CPS1: variants seen among roughly 807,000 people sequenced by gnomAD.
CPS1 encodes carbamoyl-phosphate synthase [ammonia], mitochondrial.
Under a neutral mutation model 174.6 loss-of-function variants are expected in CPS1, and 109 were observed. The observed-to-expected ratio is 0.62, with a 90% CI of 0.53 to 0.73. CPS1 has a LOEUF of 0.73. Ranked by LOEUF, CPS1 falls within the 30% of genes least tolerant of loss-of-function variation. The pLI, the probability that CPS1 is intolerant of heterozygous loss-of-function variation, is 0.00. For missense variants in CPS1, 1,689 were observed against 1,821.9 expected, an observed-to-expected ratio of 0.93 and a Z score of 1.33; for synonymous variants, 637 against 632.0, an observed-to-expected ratio of 1.01 and a Z score of -0.12.
chr2:210,542,751 C>A (rs865775128), intron 1 of CPS1, among the ~76,000 whole-genome samples: 1 of 152,034 alleles, frequency 6.6e-6, no homozygotes, highest in African/African-American at 2.4e-5. Context: ...CAAACGAAAC[C>A]CTTCTTGGCT....
Position 210,547,176 on chromosome 2 carries a change from G to A in CPS1, c.4-9543G>A, listed in dbSNP as rs565327353. Among the ~76,000 whole-genome samples the A allele has an allele frequency of 2.0e-5, 3 of 152,134 alleles. No homozygotes were observed. The South Asian group carries it at 6.2e-4, about 32-fold the overall frequency. On this transcript the variant is annotated intron_variant, in intron 1 of 38. Coordinates refer to the CPS1 transcript ENST00000430249. Reference sequence around the variant, plus strand: ...GTCTGAAAATAGAAGTTAAAAAAATGGTGCTAAATTGACATATTTGCTATT... The same window carrying A: ...GTCTGAAAATAGAAGTTAAAAAAATAGTGCTAAATTGACATATTTGCTATT...
intron 1 of CPS1, among the ~76,000 whole-genome samples, chr2:210,568,883 A>C (rs1274685868): frequency 6.6e-6 from 1 of 152,160 alleles, no homozygotes; most frequent in Non-Finnish European, 1.5e-5. Flanking sequence ...GTGTAAGATG[A>C]AAAAATTACT....
chr2:210,515,380 CT>C (rs1268440991), intron 1 of CPS1, among the ~76,000 whole-genome samples: 2 of 151,190 alleles, frequency 1.3e-5, no homozygotes, highest in Non-Finnish European at 3.0e-5. Flanking sequence ...AATTTTGGAA[CT>C]TGATATTGGT....
At chr2:210,609,380 G>A (rs902546914) in intron 19 of CPS1, among the ~76,000 whole-genome samples, 1 of 151,896 alleles carries the variant, frequency 6.6e-6, no homozygotes, top group African/African-American at 2.4e-5. Flanking sequence ...GCTGGACTTG[G>A]ATATTACTCT....
chr2:210,529,736 A>G (rs892069297), intron 1 of CPS1, among the ~76,000 whole-genome samples: 6 of 152,022 alleles, frequency 3.9e-5, no homozygotes, highest in African/African-American at 1.4e-4. Context: ...CATCCTGATA[A>G]TAAGTGACCT....
chr2:210,670,128 T>A (rs537938623), intron 34 of CPS1, among the ~76,000 whole-genome samples: 6 of 152,220 alleles, frequency 3.9e-5, no homozygotes, highest in Admixed American at 3.3e-4. Context: ...ACTTTCCTTT[T>A]AAAAGAAATA....
Position 210,678,538 on chromosome 2 carries a change from T to C in CPS1, c.*553T>C, listed in dbSNP as rs1267039961. 6.3e-6 allele frequency: 1 copy of C among 159,642 alleles called. No individual in the cohort carries two copies. The highest frequency in any genetic ancestry group is 1.9e-4 in the East Asian group (1 of 5,376). 9.9% of individuals were successfully genotyped at this position (159,642 alleles called of 1,614,324 possible). A position where few individuals can be genotyped will look rare whatever the true frequency, so the allele number is the denominator to read the frequency against. ...GGAATATTGTTATCCCTTCCCATTA[T>C]ATTGAAGTTGAGAAATGTGACAGAG... On this transcript the variant is annotated 3_prime_UTR_variant, in exon 38 of 38. Transcript: ENST00000233072.
chr2:210,529,803 A>G (rs1001710165), intron 1 of CPS1, among the ~76,000 whole-genome samples: 5 of 151,876 alleles, frequency 3.3e-5, no homozygotes, highest in Non-Finnish European at 1.5e-5. Context: ...TTTCATCTTA[A>G]CTGCATTTAT....
At chr2:210,590,952 C>A in intron 9 of CPS1, 46 bp downstream of exon 9, 1 of 1,450,664 alleles carries the variant, frequency 6.9e-7, no homozygotes, top group Non-Finnish European at 9.6e-7. Flanking sequence ...CTCTGACATA[C>A]TAACTAAATA....
intron 21 of CPS1, among the ~76,000 whole-genome samples, chr2:210,633,380 T>A (rs1699931352): frequency 6.6e-6 from 1 of 152,166 alleles, no homozygotes; most frequent in African/African-American, 2.4e-5. Flanking sequence ...TCGTTCTCCC[T>A]TCTTTCTTAT....
At chr2:210,587,831 C>A (rs566431148) in intron 6 of CPS1, among the ~76,000 whole-genome samples, 1 of 151,856 alleles carries the variant, frequency 6.6e-6, no homozygotes, top group South Asian at 2.1e-4. Context: ...TATAATCAAC[C>A]GTTTATATAA....
intron 13 of CPS1, among the ~76,000 whole-genome samples, chr2:210,596,748 C>T (rs1698495120): frequency 6.6e-6 from 1 of 151,906 alleles, no homozygotes; most frequent in Admixed American, 6.6e-5. Flanking sequence ...GTTTAGAATA[C>T]ATTTAACTGT....
chr2:210,588,004 TCTGTTGCCCATAG>T, intron 6 of CPS1, 41 bp from the exon 7 acceptor site: 1 of 1,511,876 alleles, frequency 6.6e-7, no homozygotes, highest in Non-Finnish European at 9.2e-7. Context: ...ATGATTTTGG[TCTGTTGCCCATAG>T]CTGGGACTTC....
chr2:210,565,536 T>TA (rs1320888926), intron 1 of CPS1, among the ~76,000 whole-genome samples: 3 of 152,128 alleles, frequency 2.0e-5, no homozygotes, highest in Non-Finnish European at 4.4e-5. Context: ...AAGAAAAACA[T>TA]ACAAACATAA....
intron 1 of CPS1, among the ~76,000 whole-genome samples, chr2:210,512,773 T>G (rs1467021663): frequency 1.3e-5 from 1 of 78,328 alleles, no homozygotes; most frequent in Non-Finnish European, 2.8e-5. Flanking sequence ...TATATATATA[T>G]ATATATATAT....
In CPS1 at chr2:210,608,673, A is replaced by G. The variant is rs948195879; in HGVS notation, c.2391+114A>G. 11 of 979,446 alleles carry G rather than the reference A, an allele frequency of 1.1e-5. No individual in the cohort carries two copies. In the South Asian group the frequency reaches 1.5e-4, roughly 13 times the overall value. 60.7% of individuals were successfully genotyped at this position (979,446 alleles called of 1,614,324 possible). A position where few individuals can be genotyped will look rare whatever the true frequency, so the allele number is the denominator to read the frequency against. On this transcript the variant is annotated intron_variant, in intron 19 of 37. Coordinates refer to ENST00000233072, the MANE Select transcript of CPS1 (RefSeq NM_001875.5). ...ATACCATCAACACATGGACAGTGTTAAAGGTGCAATTGACAGTGTTAAAGT... is the reference window on the plus strand; with the variant it reads ...ATACCATCAACACATGGACAGTGTTGAAGGTGCAATTGACAGTGTTAAAGT...
At chr2:210,653,979 A>C in intron 28 of CPS1, 46 bp from the exon 29 acceptor site, 1 of 1,448,524 alleles carries the variant, frequency 6.9e-7, no homozygotes, top group South Asian at 1.1e-5. Flanking sequence ...CACTATATAC[A>C]TAGCGTTAGC....
At chr2:210,626,428 T>G (rs1699700962) in intron 21 of CPS1, among the ~76,000 whole-genome samples, 1 of 152,150 alleles carries the variant, frequency 6.6e-6, no homozygotes, top group Admixed American at 6.6e-5. Flanking sequence ...ACAAAATTAT[T>G]AATTAGAAAA....
chr2:210,620,669 G>T (rs1699485490), intron 21 of CPS1, among the ~76,000 whole-genome samples: 1 of 151,962 alleles, frequency 6.6e-6, no homozygotes, highest in African/African-American at 2.4e-5. Flanking sequence ...GAGAGAGGGA[G>T]TCGGTGGGGG....
Sources: allele counts gnomAD v4.1 joint callset (sites outside exome capture counted in the v4.1 genomes callset), GRCh38; gene constraint gnomAD v4.1.1; transcripts MANE v1.5; gene names NCBI Gene and HGNC (gene_info 2026-07-23, HGNC 2026-07-21).